The following PAK6 variants were observed in gnomAD, a reference collection of about 807,000 sequenced individuals.
PAK6 encodes the protein p21 (RAC1) activated kinase 6, also known as serine/threonine-protein kinase PAK 6.
A neutral mutation model predicts 60.8 loss-of-function variants in PAK6; 33 were observed. The ratio of observed to expected loss-of-function variants is 0.54; its 90% CI spans 0.41 to 0.73. The LOEUF is 0.73. PAK6 is among the 30% of genes least tolerant of loss of function. The pLI is 0.00. For synonymous variants in PAK6, 404 were observed against 378.5 expected (o/e 1.07, Z -0.78); for missense variants, 845 against 904.1 (o/e 0.93, Z 0.84).
At chr15:40,273,383 G>A in exon 8 of PAK6, 2 of 1,614,010 alleles carry the variant, frequency 1.2e-6, no homozygotes, top group Non-Finnish European at 1.7e-6. Context: ...GTGTGAGGCT[G>A]TGCTGCAGGC....
chr15:40,252,355 G>T, intron 2 of PAK6: 1 of 1,299,006 alleles, frequency 7.7e-7, no homozygotes, highest in Non-Finnish European at 1.0e-6. Context: ...AGGTCCCCGC[G>T]GCTGTGGCCA....
chr15:40,272,550 G>T lies in PAK6; in HGVS notation c.1185G>T (p.Arg395Ser). 5 of 1,613,710 alleles carry T rather than the reference G, an allele frequency of 3.1e-6. No individual in the cohort carries two copies. The South Asian group carries it at 4.4e-5, about 14-fold the overall frequency. The change falls in exon 6 of 11, where the codon AGG becomes AGT. Residue 395 changes from arginine to serine, a missense_variant. Physicochemically the swap from Arg to Ser is moderately radical, Grantham distance 110 (BLOSUM62 -1). Coordinates refer to ENST00000560346, the Ensembl canonical transcript of PAK6. ...ATGAGCAGTTCAAGGCTGCGCTCAGGATGGTGGTGGACCAGGGTGACCCCC... is the reference window on the plus strand; with the variant it reads ...ATGAGCAGTTCAAGGCTGCGCTCAGTATGGTGGTGGACCAGGGTGACCCCC...
chr15:40,258,637 C>T (rs2038901611), intron 3 of PAK6: 1 of 152,274 alleles, frequency 6.6e-6, no homozygotes, highest in South Asian at 2.1e-4. Flanking sequence ...CTTGAACTGT[C>T]CACCAGCTCC....
intron 5 of PAK6, among the ~76,000 whole-genome samples, chr15:40,267,274 G>A (rs886462571): frequency 6.6e-6 from 1 of 152,136 alleles, no homozygotes; most frequent in African/African-American, 2.4e-5. Flanking sequence ...GGTGGGGTGA[G>A]TGTGGCCCAG....
At chr15:40,272,979 A>G (rs1399774198) in exon 7 of PAK6, 14 of 1,613,734 alleles carry the variant, frequency 8.7e-6, no homozygotes, top group Non-Finnish European at 1.1e-5. Context: ...GAGCCCTCAC[A>G]GACATCGTCT....
intron 2 of PAK6, chr15:40,252,416 G>A (rs55863440): frequency 0.3 from 407,114 of 1,351,304 alleles, 65,389 homozygotes; most frequent in Non-Finnish European, 0.34. Context: ...CAAGCAGGTG[G>A]AGAGAAAGAG....
exon 11 of PAK6, chr15:40,276,269 CTCAG>C: frequency 3.3e-6 from 2 of 608,684 alleles, no homozygotes; most frequent in East Asian, 5.6e-5. Context: ...GACCTGCCCC[CTCAG>C]TGTCTCTCCC....
chr15:40,261,565 G>A (rs1210080795), intron 3 of PAK6, among the ~76,000 whole-genome samples: 1 of 151,966 alleles, frequency 6.6e-6, no homozygotes, highest in Non-Finnish European at 1.5e-5. Context: ...TATTGACCTT[G>A]AATCAGGGAC....
Position 40,244,484 on chromosome 15 carries a change from G to A in PAK6, c.-118+3803G>A, listed in dbSNP as rs549260754. On this transcript the variant is annotated intron_variant, in intron 2 of 10. Transcript: ENST00000560346. ...ACGATCTTGGCTCTCTGCAACCTCC[G>A]CCTCCCTGGTTCAAGCGATTCTCCT... Among the ~76,000 whole-genome samples, 5 of 149,572 alleles carry A rather than the reference G, an allele frequency of 3.3e-5. No individual in the cohort carries two copies. The East Asian group carries it at 6.1e-4, about 18-fold the overall frequency.
intron 3 of PAK6, among the ~76,000 whole-genome samples, chr15:40,254,409 C>T (rs555698191): frequency 1.6e-4 from 24 of 152,222 alleles, no homozygotes; most frequent in African/African-American, 5.1e-4. Flanking sequence ...CCTTGGAGGG[C>T]GAGTAGTGAG....
At chr15:40,260,468 A>C (rs1254914940) in intron 3 of PAK6, 1 of 152,180 alleles carries the variant, frequency 6.6e-6, no homozygotes, top group Non-Finnish European at 1.5e-5. Context: ...CTATTTGTCA[A>C]TTCCGTACTA....
At chr15:40,258,273 G>T (rs552117042) in intron 3 of PAK6, among the ~76,000 whole-genome samples, 1 of 152,208 alleles carries the variant, frequency 6.6e-6, no homozygotes, top group African/African-American at 2.4e-5. Context: ...CATCTTGCCC[G>T]TTTCTGTTCA....
At chr15:40,266,772 G>T (rs904996855) in intron 5 of PAK6, 2 of 390,524 alleles carry the variant, frequency 5.1e-6, no homozygotes, top group African/African-American at 4.1e-5. Context: ...AGCTGGATTT[G>T]CCTAGTCCAG....
chr15:40,257,875 C>T (rs569166314), intron 3 of PAK6, among the ~76,000 whole-genome samples: 2 of 152,194 alleles, frequency 1.3e-5, no homozygotes, highest in Admixed American at 6.5e-5. Flanking sequence ...CTCTGGGAAT[C>T]CCCTTGTCTC....
At chr15:40,268,728 G>A (rs542237012) in intron 5 of PAK6, among the ~76,000 whole-genome samples, 75 of 152,232 alleles carry the variant, frequency 4.9e-4, no homozygotes, top group Non-Finnish European at 8.7e-4. Context: ...GGAAGACAGG[G>A]CGTGGGGGCA....
chr15:40,247,698 G>T (rs1206210976), intron 2 of PAK6, among the ~76,000 whole-genome samples: 1 of 152,154 alleles, frequency 6.6e-6, no homozygotes, highest in East Asian at 1.9e-4. Context: ...ACAGCAGCCG[G>T]GCGGGGACCC....
intron 2 of PAK6, chr15:40,245,187 T>C (rs1297622663): frequency 6.6e-6 from 1 of 152,304 alleles, no homozygotes; most frequent in Non-Finnish European, 1.5e-5. Context: ...TGGTGAGGGA[T>C]CCTCTGGGTG....
At chr15:40,274,387 C>T (rs1165653455) in intron 10 of PAK6, 111 bp downstream of exon 10, 2 of 1,215,180 alleles carry the variant, frequency 1.6e-6, no homozygotes, top group East Asian at 2.6e-5. Context: ...AGGGTCTGGG[C>T]TCCTGGAAAA....
At chr15:40,252,427 T>A (rs2038700518) in intron 2 of PAK6, 1 of 1,355,328 alleles carries the variant, frequency 7.4e-7, no homozygotes, top group Non-Finnish European at 9.8e-7. Flanking sequence ...AGAGAAAGAG[T>A]TGAGCAGCAC....
Sources: allele counts gnomAD v4.1 joint callset (sites outside exome capture counted in the v4.1 genomes callset), GRCh38; gene constraint gnomAD v4.1.1; transcripts MANE v1.5; gene names NCBI Gene and HGNC (gene_info 2026-07-23, HGNC 2026-07-21).